VPS8: variants seen among roughly 807,000 people sequenced by gnomAD.
VPS8 encodes VPS8 subunit of CORVET complex, also known as vacuolar protein sorting-associated protein 8 homolog.
Under a neutral mutation model 216.4 loss-of-function variants are expected in VPS8, and 129 were observed. The observed-to-expected ratio is 0.60, with a 90% CI of 0.52 to 0.69. The LOEUF is 0.69. VPS8 is among the 30% of genes least tolerant of loss of function. The pLI is 0.00. For synonymous variants in VPS8, 571 were observed against 565.4 expected (o/e 1.01, Z -0.14); for missense variants, 1,531 against 1,683.5 (o/e 0.91, Z 1.59).
intron 15 of VPS8, 57 bp downstream of exon 15, chr3:184,860,122 A>G (rs1725999770): frequency 5.9e-6 from 8 of 1,366,102 alleles, no homozygotes; most frequent in South Asian, 2.4e-5. Context: ...TTCTGAATCT[A>G]TGATATATTA....
rs1297967461 is a variant in VPS8, at chr3:185,026,745, G to A, written c.4056+2356G>A. Among the ~76,000 whole-genome samples the A allele has an allele frequency of 6.5e-5, 8 of 122,354 alleles. No homozygotes were observed. The East Asian group carries it at 1.8e-3, about 28-fold the overall frequency. The allele number at this position is 122,354 out of a possible 152,430, so 80.3% of individuals were successfully genotyped here. On this transcript the variant is annotated intron_variant, in intron 46 of 47. Transcript: ENST00000625842. ...TTTTTTTGAGACAGAGTCTCACTCT[G>A]TCGCCCAGGCTGGAGTGCAGTGGCA...
intron 45 of VPS8, among the ~76,000 whole-genome samples, chr3:185,004,697 A>C (rs919931246): frequency 1.3e-5 from 2 of 151,886 alleles, no homozygotes; most frequent in African/African-American, 4.8e-5. Context: ...TCCTTTGCCC[A>C]CTTTTTGATG....
At position 184,950,216 on chromosome 3, in the gene VPS8, C is replaced by CTTTTTTTT. The variant is rs10700220; in HGVS notation, c.3036-7137_3036-7130dup. On this transcript the variant is annotated intron_variant, in intron 36 of 47. Transcript: ENST00000625842. ...AGCAACCACGCCCAGCAGTTTTCTG[C>CTTTTTTTT]TTTTTTTTTTTTTTTTTTTTTTTTT... Among the ~76,000 whole-genome samples, 78 of 39,930 alleles carry CTTTTTTTT rather than the reference C, an allele frequency of 2.0e-3. 20 individuals carry two copies. The highest frequency in any genetic ancestry group is 3.2e-3 in the East Asian group (3 of 930). The allele number at this position is 39,930 out of a possible 152,430, so 26.2% of individuals were successfully genotyped here. A position where few individuals can be genotyped will look rare whatever the true frequency, so the allele number is the denominator to read the frequency against.
At chr3:185,050,493 C>T (rs200000762) in intron 47 of VPS8, among the ~76,000 whole-genome samples, 2 of 151,460 alleles carry the variant, frequency 1.3e-5, no homozygotes, top group South Asian at 4.2e-4. Context: ...CACATGGACA[C>T]GTGAGCTTGT....
At chr3:184,839,059 A>G (rs747688364) in intron 6 of VPS8, 2 of 278,282 alleles carry the variant, frequency 7.2e-6, no homozygotes, top group South Asian at 1.4e-4. Context: ...CCCTTCCACA[A>G]GGAATGGAAA....
chr3:184,981,784 A>C (rs1750254865), intron 40 of VPS8, among the ~76,000 whole-genome samples: 1 of 152,162 alleles, frequency 6.6e-6, no homozygotes, highest in Admixed American at 6.5e-5. Context: ...CACAGAATTT[A>C]GAGTCAGGTA....
intron 8 of VPS8, among the ~76,000 whole-genome samples, chr3:184,846,860 G>A (rs1208146599): frequency 6.6e-6 from 1 of 152,204 alleles, no homozygotes; most frequent in African/African-American, 2.4e-5. Flanking sequence ...TATACAGCGT[G>A]GTTCTGATGA....
At chr3:184,954,115 T>C (rs1045096047) in intron 36 of VPS8, among the ~76,000 whole-genome samples, 5 of 152,142 alleles carry the variant, frequency 3.3e-5, no homozygotes, top group African/African-American at 9.7e-5. Context: ...TTACATTTAC[T>C]GGTTTATAAT....
At chr3:184,916,090 A>G (rs1453388703) in intron 28 of VPS8, among the ~76,000 whole-genome samples, 1 of 152,122 alleles carries the variant, frequency 6.6e-6, no homozygotes, top group Non-Finnish European at 1.5e-5. Context: ...GGCCTGGCAT[A>G]CAAAACATGG....
intron 1 of VPS8, among the ~76,000 whole-genome samples, chr3:184,814,076 G>A (rs539456916): frequency 6.6e-6 from 1 of 152,290 alleles, no homozygotes; most frequent in South Asian, 2.1e-4. Context: ...ATAGCTTTGC[G>A]TTGGATTTTT....
intron 25 of VPS8, among the ~76,000 whole-genome samples, chr3:184,911,446 T>C (rs1376115197): frequency 6.6e-6 from 1 of 152,226 alleles, no homozygotes; most frequent in Non-Finnish European, 1.5e-5. Context: ...TTACCAAGGT[T>C]GAGGACACAC....
chr3:184,982,898 G>T, intron 41 of VPS8, 114 bp from the exon 42 acceptor site: 2 of 944,444 alleles, frequency 2.1e-6, no homozygotes, highest in Non-Finnish European at 3.0e-6. Flanking sequence ...AGAGGCCTTG[G>T]TTAGCTAAGT....
chr3:184,957,551 G>C, intron 37 of VPS8, 30 bp downstream of exon 37: 2 of 1,584,982 alleles, frequency 1.3e-6, no homozygotes, highest in East Asian at 4.5e-5. Context: ...AGAGACAAGA[G>C]TAAACTCTTC....
intron 39 of VPS8, 112 bp from the exon 40 acceptor site, chr3:184,971,537 T>C: frequency 1.6e-6 from 1 of 644,180 alleles, no homozygotes; most frequent in East Asian, 3.1e-5. Flanking sequence ...TTAATTATTA[T>C]ATACTAGAAA....
rs772952423 is a variant in VPS8, at chr3:184,971,689, T to C, written c.3357T>C (p.Thr1119=). 1.2e-6 allele frequency: 2 copies of C among 1,613,558 alleles called. No individual in the cohort carries two copies. The highest frequency in any genetic ancestry group is 1.7e-6 in the Non-Finnish European group (2 of 1,179,626). Residue 1119 remains threonine, a synonymous_variant, in exon 40 of 48, where the codon ACT becomes ACC. Coordinates refer to ENST00000625842, the MANE Select transcript of VPS8 (RefSeq NM_001009921.3). ...CCTCATTGAAGGATGTTGAAGATAC[T>C]ATGGTGGAGACCATTGCTCTTTGCC... ...EDPSLKDVED[T]MVETIALCQR...
chr3:184,888,232 C>T (rs1386846780), intron 22 of VPS8, among the ~76,000 whole-genome samples: 23 of 152,314 alleles, frequency 1.5e-4, no homozygotes, highest in Non-Finnish European at 4.4e-5. Flanking sequence ...TCATGATCCA[C>T]CCGCCTCAGC....
At chr3:184,830,587 T>G (rs2108537286) in intron 3 of VPS8, among the ~76,000 whole-genome samples, 1 of 152,274 alleles carries the variant, frequency 6.6e-6, no homozygotes, top group African/African-American at 2.4e-5. Context: ...TCTTGACATC[T>G]TCACTTCTTT....
intron 33 of VPS8, among the ~76,000 whole-genome samples, chr3:184,930,117 G>A (rs1740425036): frequency 6.6e-6 from 1 of 152,112 alleles, no homozygotes; most frequent in South Asian, 2.1e-4. Context: ...TAGATGAAGT[G>A]AAAATCAGTA....
chr3:185,012,506 A>G (rs1268209148), intron 45 of VPS8, among the ~76,000 whole-genome samples: 1 of 151,622 alleles, frequency 6.6e-6, no homozygotes, highest in Non-Finnish European at 1.5e-5. Flanking sequence ...ACATCAACCC[A>G]TAGAGTCAAA....
Sources: allele counts gnomAD v4.1 joint callset (sites outside exome capture counted in the v4.1 genomes callset), GRCh38; gene constraint gnomAD v4.1.1; transcripts MANE v1.5; gene names NCBI Gene and HGNC (gene_info 2026-07-23, HGNC 2026-07-21).